The following EYS variants were observed in gnomAD, a reference collection of about 807,000 sequenced individuals.
EYS encodes EGF-like photoreceptor maintenance factor, also known as protein eyes shut homolog.
EYS carries 250 observed loss-of-function variants against 282.1 expected under a neutral mutation model. The ratio of observed to expected loss-of-function variants is 0.89; its 90% CI spans 0.80 to 0.98. The LOEUF (loss-of-function observed/expected upper bound fraction) is 0.98, where lower values mean the gene tolerates loss of function less well. Ranked by LOEUF, EYS falls within the 50% of genes least tolerant of loss-of-function variation. The pLI is 0.00. For missense variants in EYS, 4,016 were observed against 3,709.0 expected (o/e 1.08, Z -2.15); for synonymous variants, 1,355 against 1,282.9 (o/e 1.06, Z -1.20).
chr6:65,225,942 C>A (rs1437063818), intron 12 of EYS, among the ~76,000 whole-genome samples: 1 of 151,790 alleles, frequency 6.6e-6, no homozygotes, highest in Non-Finnish European at 1.5e-5. Context: ...TATTCAATAA[C>A]AAAAGATGGA....
intron 35 of EYS, among the ~76,000 whole-genome samples, chr6:63,967,378 G>A (rs1766358737): frequency 6.6e-6 from 1 of 152,186 alleles, no homozygotes; most frequent in Admixed American, 6.6e-5. Context: ...GATAATTGTG[G>A]ACTACTGTGT....
chr6:64,406,388 G>A (rs1377718835), intron 28 of EYS, among the ~76,000 whole-genome samples: 3 of 152,140 alleles, frequency 2.0e-5, no homozygotes, highest in Admixed American at 6.5e-5. Context: ...GTATCATTCA[G>A]GACATAGGCA....
intron 35 of EYS, among the ~76,000 whole-genome samples, chr6:63,941,150 A>G (rs1451168062): frequency 2.0e-5 from 3 of 152,118 alleles, no homozygotes; most frequent in African/African-American, 4.8e-5. Flanking sequence ...ACATACGTGC[A>G]CATGTGTCTT....
chr6:64,231,648 T>A (rs1291154060), intron 30 of EYS, among the ~76,000 whole-genome samples: 1 of 152,196 alleles, frequency 6.6e-6, no homozygotes, highest in African/African-American at 2.4e-5. Flanking sequence ...CCCAACAAGA[T>A]GAAACTGTAG....
chr6:65,141,210 G>A (rs1456746340), intron 12 of EYS, among the ~76,000 whole-genome samples: 1 of 152,026 alleles, frequency 6.6e-6, no homozygotes, highest in Non-Finnish European at 1.5e-5. Context: ...GATGAAGCTG[G>A]AAATCATCAT....
intron 5 of EYS, among the ~76,000 whole-genome samples, chr6:65,455,605 TGA>T (rs1764571652): frequency 6.6e-6 from 1 of 152,054 alleles, no homozygotes; most frequent in Non-Finnish European, 1.5e-5. Context: ...AAAGGAGATG[TGA>T]GAGTATTAAG....
chr6:64,790,290 G>C (rs1457211797), intron 22 of EYS, among the ~76,000 whole-genome samples: 1 of 151,758 alleles, frequency 6.6e-6, no homozygotes, highest in Non-Finnish European at 1.5e-5. Context: ...AACATCAGCG[G>C]CATGCAATTT....
chr6:64,734,474 A>T (rs1772115872), intron 22 of EYS, among the ~76,000 whole-genome samples: 1 of 152,266 alleles, frequency 6.6e-6, no homozygotes, highest in African/African-American at 2.4e-5. Flanking sequence ...CACTGAAAAT[A>T]TTGCTATAAG....
chr6:65,507,240 T>C (rs1431904299), intron 2 of EYS, among the ~76,000 whole-genome samples: 2 of 152,136 alleles, frequency 1.3e-5, no homozygotes, highest in Non-Finnish European at 2.9e-5. Flanking sequence ...AGGTATATCA[T>C]TGCACTCTTC....
At chr6:65,221,142 G>A (rs547842238) in intron 12 of EYS, among the ~76,000 whole-genome samples, 28 of 152,210 alleles carry the variant, frequency 1.8e-4, no homozygotes, top group Non-Finnish European at 4.0e-4. Context: ...CATAAACTTT[G>A]CAGCCCAATG....
chr6:65,427,816 C>T (rs566490455), intron 5 of EYS, among the ~76,000 whole-genome samples: 104 of 151,940 alleles, frequency 6.8e-4, no homozygotes, highest in African/African-American at 2.4e-3. Flanking sequence ...TTATTATATT[C>T]AGGATATAAT....
At chr6:64,175,571 T>C (rs1285465193) in intron 31 of EYS, among the ~76,000 whole-genome samples, 1 of 152,172 alleles carries the variant, frequency 6.6e-6, no homozygotes, top group Non-Finnish European at 1.5e-5. Flanking sequence ...CTCTTTGTGG[T>C]GAGACTGTTA....
At chr6:63,768,342 G>A (rs777685466) in intron 40 of EYS, among the ~76,000 whole-genome samples, 8 of 151,750 alleles carry the variant, frequency 5.3e-5, no homozygotes, top group Non-Finnish European at 8.8e-5. Context: ...AAGGTCTAAT[G>A]TCCAGAATCT....
intron 13 of EYS, among the ~76,000 whole-genome samples, chr6:65,057,336 T>C (rs991865495): frequency 2.0e-5 from 3 of 152,134 alleles, no homozygotes; most frequent in Non-Finnish European, 4.4e-5. Flanking sequence ...GCTGGTAATA[T>C]ATTCCTTCCT....
chr6:64,316,645 A>G (rs1034314825), intron 29 of EYS, among the ~76,000 whole-genome samples: 1 of 152,220 alleles, frequency 6.6e-6, no homozygotes, highest in Non-Finnish European at 1.5e-5. Context: ...GCCCAAAGTA[A>G]TTTATAGATT....
At chr6:64,668,983 T>C (rs1044138919) in intron 22 of EYS, among the ~76,000 whole-genome samples, 2 of 152,176 alleles carry the variant, frequency 1.3e-5, no homozygotes, top group Non-Finnish European at 2.9e-5. Context: ...CTGTGTGCTT[T>C]TCTTTCTTCT....
chr6:64,243,441 G>A (rs747464143), intron 30 of EYS, among the ~76,000 whole-genome samples: 32 of 152,174 alleles, frequency 2.1e-4, no homozygotes, highest in Non-Finnish European at 4.3e-4. Flanking sequence ...GTGGACTCAG[G>A]TGACATAGAA....
intron 12 of EYS, among the ~76,000 whole-genome samples, chr6:65,291,618 G>A (rs1312210393): frequency 6.6e-6 from 1 of 151,492 alleles, no homozygotes; most frequent in Non-Finnish European, 1.5e-5. Context: ...TGACATGAAT[G>A]GGTAGGAAGT....
At chr6:64,400,032 GA>G (rs1333707704) in intron 28 of EYS, among the ~76,000 whole-genome samples, 1 of 151,890 alleles carries the variant, frequency 6.6e-6, no homozygotes, top group Non-Finnish European at 1.5e-5. Flanking sequence ...GAATTGCTAT[GA>G]TTTTTGAAAT....
Sources: gnomAD v4.1 joint callset for allele counts (sites outside exome capture counted in the v4.1 genomes callset) on GRCh38, gnomAD v4.1.1 for gene constraint, MANE v1.5 for transcripts, NCBI Gene and HGNC (gene_info 2026-07-23, HGNC 2026-07-21) for gene names.